The following CSRNP3 variants were observed in gnomAD, a reference collection of about 807,000 sequenced individuals.
CSRNP3 encodes cysteine/serine-rich nuclear protein 3.
Under a neutral mutation model 48.0 loss-of-function variants are expected in CSRNP3, and 12 were observed. That is an observed-to-expected ratio of 0.25 (90% CI 0.16 to 0.41). The LOEUF is 0.41. CSRNP3 is among the 10% of genes least tolerant of loss of function. The pLI is 1.00. For missense variants in CSRNP3, 580 were observed against 724.4 expected, an observed-to-expected ratio of 0.80 and a Z score of 2.29; for synonymous variants, 263 against 269.7, an observed-to-expected ratio of 0.98 and a Z score of 0.24.
At chr2:165,609,465 G>GAAAAAAAAAA (rs34249194) in intron 4 of CSRNP3, among the ~76,000 whole-genome samples, 14 of 97,558 alleles carry the variant, frequency 1.4e-4, no homozygotes, top group East Asian at 3.3e-4. Context: ...TCTAAAAAAA[G>GAAAAAAAAAA]AAAAAAAAAA....
rs998561720 is a variant in CSRNP3 at position 165,497,863 on chromosome 2, ACACAAAT to A, written c.-113+2938_-113+2944del. On this transcript the variant is annotated intron_variant, in intron 2 of 6. Transcript: ENST00000651982. ...ACAAGCCTGGCTACTAAGTAGAGGGACACAAATCAAGTCAAAGATATGGCTGTAGCTT... is the reference window on the plus strand; with the variant it reads ...ACAAGCCTGGCTACTAAGTAGAGGGACAAGTCAAAGATATGGCTGTAGCTT... Among the ~76,000 whole-genome samples, 49 of 152,256 alleles carry A rather than the reference ACACAAAT, an allele frequency of 3.2e-4. 1 individual carries two copies. The highest frequency in any genetic ancestry group is 1.1e-3 in the African/African-American group (47 of 41,576).
chr2:165,544,487 A>G lies in CSRNP3; in HGVS notation c.-24+26526A>G, dbSNP rs186363156. Among the ~76,000 whole-genome samples, 36 of 151,788 alleles carry G rather than the reference A, an allele frequency of 2.4e-4. No individual in the cohort carries two copies. The South Asian group carries it at 2.7e-3, about 11-fold the overall frequency. On this transcript the variant is annotated intron_variant, in intron 3 of 6. Transcript: ENST00000651982. ...ATGACATGATCTGACTTAGATATTTAAAAGGATCTACCTGGCAACTGTGTT... is the reference window on the plus strand; with the variant it reads ...ATGACATGATCTGACTTAGATATTTGAAAGGATCTACCTGGCAACTGTGTT...
chr2:165,609,184 A>G (rs372704048), intron 4 of CSRNP3, among the ~76,000 whole-genome samples: 1 of 151,084 alleles, frequency 6.6e-6, no homozygotes, highest in African/African-American at 2.4e-5. Context: ...GGCCAGGCGC[A>G]GTGGCTCACG....
intron 4 of CSRNP3, among the ~76,000 whole-genome samples, chr2:165,630,160 G>A (rs928108246): frequency 1.3e-5 from 2 of 152,042 alleles, no homozygotes; most frequent in South Asian, 2.1e-4. Context: ...TTTTGAAGAC[G>A]TAAAAAAGCT....
chr2:165,580,478 A>C (rs1313089086), intron 3 of CSRNP3, among the ~76,000 whole-genome samples: 1 of 152,144 alleles, frequency 6.6e-6, no homozygotes, highest in Non-Finnish European at 1.5e-5. Flanking sequence ...AGAATGTCCA[A>C]AGTATTTTTT....
rs778445206 is a variant in CSRNP3 at position 165,679,262 on chromosome 2, G to C, written c.1267G>C (p.Ala423Pro). The C allele has an allele frequency of 1.2e-6, 2 of 1,613,810 alleles. No individual in the cohort carries two copies. The highest frequency in any genetic ancestry group is 1.7e-6 in the Non-Finnish European group (2 of 1,179,972). The change falls in exon 7 of 7, where the codon GCA becomes CCA. Residue 423 changes from alanine to proline, a missense_variant. This residue lies in a region of CSRNP3 where 369 missense variants were observed against 380.8 expected (regional missense o/e 0.97). Transcript: ENST00000651982. The stretch of plus-strand genomic sequence containing the variant: ...TGGCACCGCCGTTCACGAAAGCCAT[G>C]CAAAGAATGCTTCTTTTTATGCCAA... ...SDGTAVHESH[A>P]KNASFYANSS...
In CSRNP3 at chr2:165,688,938, T is replaced by A. The variant is rs965697750; in HGVS notation, c.*9185T>A. On this transcript the variant is annotated 3_prime_UTR_variant, in exon 7 of 7. Coordinates refer to ENST00000651982, the MANE Select transcript of CSRNP3 (RefSeq NM_001172173.2). ...CAGTACTTCAATAGATATTTATTAGTTATGTTCAATCTAATGACTTAAAAC... is the reference window on the plus strand; with the variant it reads ...CAGTACTTCAATAGATATTTATTAGATATGTTCAATCTAATGACTTAAAAC... The A allele has an allele frequency of 6.6e-6, 1 of 152,274 alleles. No homozygotes were observed. Among genetic ancestry groups the A allele is most frequent in the East Asian group, 1.9e-4 (1 of 5,186 alleles). 9.4% of individuals were successfully genotyped at this position (152,274 alleles called of 1,614,324 possible). A position where few individuals can be genotyped will look rare whatever the true frequency, so the allele number is the denominator to read the frequency against.
At chr2:165,574,198 C>G in intron 3 of CSRNP3, 1 of 546,910 alleles carries the variant, frequency 1.8e-6, no homozygotes, top group Non-Finnish European at 3.3e-6. Flanking sequence ...GGAGGACTGC[C>G]TGAGCCTTAT....
chr2:165,566,670 G>A (rs1347330782), intron 3 of CSRNP3: 2 of 151,656 alleles, frequency 1.3e-5, no homozygotes, highest in African/African-American at 4.8e-5. Flanking sequence ...TTTTTTTGTG[G>A]AGACGGGCTC....
intron 4 of CSRNP3, among the ~76,000 whole-genome samples, chr2:165,651,716 C>CA (rs1686913095): frequency 6.9e-6 from 1 of 145,692 alleles, no homozygotes; most frequent in Non-Finnish European, 1.5e-5. Flanking sequence ...AGGGCAAAGG[C>CA]GTGATCTCAG....
chr2:165,484,709 A>T (rs914448685), intron 1 of CSRNP3, among the ~76,000 whole-genome samples: 2 of 152,216 alleles, frequency 1.3e-5, no homozygotes, highest in African/African-American at 4.8e-5. Flanking sequence ...CTTCCCACCT[A>T]TTACTGCAGA....
chr2:165,503,025 A>T (rs1250860178), intron 2 of CSRNP3, among the ~76,000 whole-genome samples: 2 of 151,798 alleles, frequency 1.3e-5, no homozygotes, highest in African/African-American at 2.4e-5. Flanking sequence ...AATATTAAGG[A>T]TTAGTTATTT....
At chr2:165,516,766 G>A (rs933151002) in intron 2 of CSRNP3, among the ~76,000 whole-genome samples, 2 of 151,950 alleles carry the variant, frequency 1.3e-5, no homozygotes, top group African/African-American at 2.4e-5. Context: ...TGCTATTGTT[G>A]TATCACAGTT....
intron 3 of CSRNP3, among the ~76,000 whole-genome samples, chr2:165,552,292 T>A (rs943334651): frequency 1.3e-5 from 2 of 152,210 alleles, no homozygotes; most frequent in African/African-American, 4.8e-5. Flanking sequence ...AAGACAGGAT[T>A]CCACTTCCTG....
chr2:165,617,543 G>T (rs1380253945), intron 4 of CSRNP3, among the ~76,000 whole-genome samples: 1 of 152,200 alleles, frequency 6.6e-6, no homozygotes, highest in Admixed American at 6.5e-5. Flanking sequence ...CCCCTAGGTG[G>T]CACATGTGTG....
At chr2:165,477,437 G>A (rs1256619082) in intron 1 of CSRNP3, among the ~76,000 whole-genome samples, 27 of 140,596 alleles carry the variant, frequency 1.9e-4, no homozygotes, top group Admixed American at 1.6e-3. Context: ...TGACCAACAT[G>A]GTGAAATCTC....
At chr2:165,553,436 G>A (rs952177574) in intron 3 of CSRNP3, among the ~76,000 whole-genome samples, 4 of 152,144 alleles carry the variant, frequency 2.6e-5, no homozygotes, top group East Asian at 1.9e-4. Context: ...ACAGCCAAAC[G>A]TGGCTGGAGA....
chr2:165,597,328 C>T (rs1387087219), intron 4 of CSRNP3, among the ~76,000 whole-genome samples: 2 of 152,010 alleles, frequency 1.3e-5, no homozygotes, highest in African/African-American at 4.8e-5. Context: ...AAAATCCCAA[C>T]ATGTTATATA....
At position 165,681,829 on chromosome 2, in the gene CSRNP3, G is replaced by GTGTGTA. The variant is rs1553485872; in HGVS notation, c.*2077_*2078insGTGTAT. 5.2e-5 allele frequency: 7 copies of GTGTGTA among 134,724 alleles called. No homozygotes were observed. Among genetic ancestry groups the GTGTGTA allele is most frequent in the South Asian group, 4.8e-4 (2 of 4,210 alleles). 8.3% of individuals were successfully genotyped at this position (134,724 alleles called of 1,614,324 possible). ...TGTGTGTGTGTGTGTGTGTGTGTGTGTATATATATATATCCCATGTTGTCT... is the reference window on the plus strand; with the variant it reads ...TGTGTGTGTGTGTGTGTGTGTGTGTGTGTGTATATATATATATATCCCATGTTGTCT... On this transcript the variant is annotated 3_prime_UTR_variant, in exon 7 of 7. Coordinates refer to ENST00000651982, the MANE Select transcript of CSRNP3 (RefSeq NM_001172173.2).
Sources: gnomAD v4.1 joint callset for allele counts (sites outside exome capture counted in the v4.1 genomes callset) on GRCh38, gnomAD v4.1.1 for gene constraint, gnomAD v4.1.1 regional missense constraint, MANE v1.5 for transcripts, NCBI Gene and HGNC (gene_info 2026-07-23, HGNC 2026-07-21) for gene names.